SLC38A4: variants seen among roughly 807,000 people sequenced by gnomAD.
SLC38A4 encodes the protein sodium-coupled neutral amino acid transporter 4.
A neutral mutation model predicts 63.1 loss-of-function variants in SLC38A4; 20 were observed. The observed-to-expected ratio is 0.32, with a 90% CI of 0.22 to 0.46. The LOEUF is 0.46. Among genes scored for constraint, SLC38A4 ranks in the 20% least tolerant of loss-of-function variants. The pLI is 1.00. For synonymous variants in SLC38A4, 230 were observed against 225.5 expected, an observed-to-expected ratio of 1.02 and a Z score of -0.18; for missense variants, 526 against 663.6, an observed-to-expected ratio of 0.79 and a Z score of 2.28.
intron 7 of SLC38A4, among the ~76,000 whole-genome samples, chr12:46,781,659 G>A (rs370479454): frequency 1.3e-5 from 2 of 152,148 alleles, no homozygotes; most frequent in South Asian, 4.1e-4. Flanking sequence ...TAACCAAAGT[G>A]AGAGCATTAT....
chr12:46,789,274 T>C (rs922806707), intron 3 of SLC38A4, among the ~76,000 whole-genome samples: 2 of 152,030 alleles, frequency 1.3e-5, no homozygotes, highest in African/African-American at 4.8e-5. Context: ...CAGTGGTAGC[T>C]GTGTGTTGTG....
intron 7 of SLC38A4, among the ~76,000 whole-genome samples, chr12:46,780,307 C>T (rs1272504373): frequency 6.6e-6 from 1 of 151,940 alleles, no homozygotes; most frequent in Non-Finnish European, 1.5e-5. Flanking sequence ...GTTCTGCCCT[C>T]ATTAGTTATA....
intron 1 of SLC38A4, among the ~76,000 whole-genome samples, chr12:46,825,155 T>C (rs1207581616): frequency 5.3e-5 from 8 of 149,758 alleles, no homozygotes; most frequent in Non-Finnish European, 8.9e-5. Context: ...TGCGAACCTA[T>C]AATTACTTTA....
chr12:46,830,100 C>T (rs1939708755), upstream of SLC38A4, among the ~76,000 whole-genome samples: 1 of 152,108 alleles, frequency 6.6e-6, no homozygotes, highest in Non-Finnish European at 1.5e-5. Flanking sequence ...TCTCTTTACA[C>T]CACCAATCTT....
intron 16 of SLC38A4, among the ~76,000 whole-genome samples, chr12:46,767,449 C>A (rs1185929599): frequency 6.6e-6 from 1 of 151,992 alleles, no homozygotes; most frequent in Non-Finnish European, 1.5e-5. Context: ...ACTCATTTCA[C>A]AATTGGTCAA....
At chr12:46,831,681 G>A (rs1939733336) in intron 1 of SLC38A4, among the ~76,000 whole-genome samples, 1 of 152,242 alleles carries the variant, frequency 6.6e-6, no homozygotes, top group Non-Finnish European at 1.5e-5. Context: ...GGGGAATCAT[G>A]CTGGTCTCTG....
chr12:46,821,171 T>C (rs1336746185), intron 1 of SLC38A4, among the ~76,000 whole-genome samples: 2 of 152,152 alleles, frequency 1.3e-5, no homozygotes, highest in African/African-American at 4.8e-5. Flanking sequence ...TTTGATGTAG[T>C]ACTGCGTGTC....
intron 1 of SLC38A4, among the ~76,000 whole-genome samples, chr12:46,806,195 A>T (rs1437197683): frequency 6.6e-6 from 1 of 151,908 alleles, no homozygotes; most frequent in Non-Finnish European, 1.5e-5. Context: ...TGTTGGATTA[A>T]AATTAAAAGC....
At chr12:46,822,163 T>C (rs1270895706) in intron 1 of SLC38A4, among the ~76,000 whole-genome samples, 1 of 152,144 alleles carries the variant, frequency 6.6e-6, no homozygotes, top group Non-Finnish European at 1.5e-5. Flanking sequence ...ATTCGCTTTT[T>C]TGACATCTTT....
chr12:46,778,606 C>T lies in SLC38A4; in HGVS notation c.888G>A (p.Gly296=), dbSNP rs781463637. The T allele has an allele frequency of 4.3e-6, 7 of 1,613,092 alleles. No individual in the cohort carries two copies. The highest frequency in any genetic ancestry group is 1.1e-5 in the South Asian group (1 of 91,056). The change falls in exon 11 of 17, where the codon GGG becomes GGA. Residue 296 remains glycine (G), a synonymous_variant. Transcript: ENST00000266579. ...MMDYTHRNPA[G]LDENQAKGSL... ...AGCCCTTGGCCTGGTTCTCATCCAG[C>T]CCTGCAGGATTGCGGTGGGTGTAAT...
At chr12:46,798,808 T>C (rs1939071263) in intron 2 of SLC38A4, among the ~76,000 whole-genome samples, 1 of 152,114 alleles carries the variant, frequency 6.6e-6, no homozygotes, top group African/African-American at 2.4e-5. Context: ...TTTTTTCTTA[T>C]TCCCATTGTA....
chr12:46,792,199 T>A (rs952537907), intron 3 of SLC38A4, among the ~76,000 whole-genome samples: 2 of 152,066 alleles, frequency 1.3e-5, no homozygotes, highest in African/African-American at 4.8e-5. Context: ...TGTCTCACAT[T>A]TAATGTAGGC....
chr12:46,807,400 T>C (rs1326032476), intron 1 of SLC38A4, among the ~76,000 whole-genome samples: 1 of 152,006 alleles, frequency 6.6e-6, no homozygotes, highest in Non-Finnish European at 1.5e-5. Context: ...ATTTTTTTAA[T>C]CACATCATAG....
intron 10 of SLC38A4, among the ~76,000 whole-genome samples, 164 bp downstream of exon 10, chr12:46,779,447 G>A (rs890120405): frequency 3.3e-5 from 5 of 151,802 alleles, no homozygotes; most frequent in African/African-American, 9.7e-5. Flanking sequence ...TCTTTAAATC[G>A]TAGCTGCTCT....
intron 14 of SLC38A4, 90 bp from the exon 15 acceptor site, chr12:46,769,518 C>T: frequency 7.2e-7 from 1 of 1,382,562 alleles, no homozygotes; most frequent in South Asian, 1.4e-5. Context: ...AATGCATTTT[C>T]TTTCCTTTTC....
rs1014271389 is a variant in SLC38A4 at position 46,787,978 on chromosome 12, G to A, written c.264C>T (p.Ile88=). Residue 88 remains isoleucine (I), a synonymous_variant, in exon 5 of 17, where the codon ATC becomes ATT. Transcript: ENST00000266579. ...ACAAGCCCAGGATCCCACTGCCCAT[G>A]ATGGCATTACTCAGGTTAAATGAAG... The part of the protein sequence containing the change: ...GMSSFNLSNA[I]MGSGILGLSY... 1 of 1,613,756 alleles carries A rather than the reference G, an allele frequency of 6.2e-7. No homozygotes were observed. The highest frequency in any genetic ancestry group is 1.3e-5 in the African/African-American group (1 of 74,914).
intron 1 of SLC38A4, among the ~76,000 whole-genome samples, chr12:46,824,982 T>A (rs1215718928): frequency 6.6e-6 from 1 of 152,110 alleles, no homozygotes; most frequent in African/African-American, 2.4e-5. Flanking sequence ...AGGTGAAAGG[T>A]TTAGGTGGCC....
chr12:46,798,873 G>A (rs1023598676), intron 2 of SLC38A4, among the ~76,000 whole-genome samples: 2 of 152,072 alleles, frequency 1.3e-5, no homozygotes, highest in East Asian at 1.9e-4. Context: ...TGCCACCTTT[G>A]TATTGCCATC....
chr12:46,769,373 C>T lies in SLC38A4; in HGVS notation c.1355G>A (p.Arg452Gln), dbSNP rs144116908. Residue 452 changes from arginine (R) to glutamine (Q), a missense_variant, in exon 15 of 17, where the codon CGA becomes CAA. Transcript: ENST00000266579. ...AAGCACAGCTGCAATCAGGAAATGT[C>T]GTATCCAGCTGAAGGGTCGTTTGGG... ...LFPKRPFSWIRHFLIAAVLIA... is the reference protein window; with the variant it reads ...LFPKRPFSWIQHFLIAAVLIA... The T allele has an allele frequency of 1.3e-4, 203 of 1,613,352 alleles. 1 individual carries two copies. In the African/African-American group the frequency reaches 2.4e-3, roughly 19 times the overall value.
Sources: allele counts gnomAD v4.1 joint callset (sites outside exome capture counted in the v4.1 genomes callset), GRCh38; gene constraint gnomAD v4.1.1; transcripts MANE v1.5; gene names NCBI Gene and HGNC (gene_info 2026-07-23, HGNC 2026-07-21).